Variants in PPIP5K2 observed in about 807,000 individuals in gnomAD.
PPIP5K2 encodes diphosphoinositol pentakisphosphate kinase 2.
A neutral mutation model predicts 154.6 loss-of-function variants in PPIP5K2; 105 were observed. That is an observed-to-expected ratio of 0.68 (90% CI 0.58 to 0.80). PPIP5K2 has a LOEUF of 0.80. PPIP5K2 is among the 30% of genes least tolerant of loss of function. The probability of loss-of-function intolerance (pLI) is 0.00; values close to 1 mark genes in which losing one functional copy is unlikely to be tolerated. For synonymous variants in PPIP5K2, 480 were observed against 490.3 expected, an observed-to-expected ratio of 0.98 and a Z score of 0.28; for missense variants, 992 against 1,504.6, an observed-to-expected ratio of 0.66 and a Z score of 5.64.
intron 2 of PPIP5K2, among the ~76,000 whole-genome samples, chr5:103,131,007 C>G (rs182572986): frequency 1.3e-5 from 2 of 152,194 alleles, no homozygotes; most frequent in East Asian, 3.9e-4. Context: ...ATTGTATGTA[C>G]TCTTTTACCT....
chr5:103,158,696 C>T, intron 16 of PPIP5K2, 123 bp downstream of exon 16: 1 of 751,370 alleles, frequency 1.3e-6, no homozygotes, highest in Non-Finnish European at 2.0e-6. Context: ...CTGAGGTGGT[C>T]AGATCACTAG....
intron 30 of PPIP5K2, among the ~76,000 whole-genome samples, chr5:103,197,570 T>C (rs1469390819): frequency 2.0e-5 from 1 of 49,040 alleles, no homozygotes; most frequent in Non-Finnish European, 3.6e-5. Context: ...AAAACACAAA[T>C]TTTTTTTTTT....
intron 1 of PPIP5K2, among the ~76,000 whole-genome samples, chr5:103,122,342 G>A (rs1554199335): frequency 6.6e-6 from 1 of 152,214 alleles, no homozygotes; most frequent in African/African-American, 2.4e-5. Flanking sequence ...CCTAACAGAA[G>A]TGTGATAGTT....
chr5:103,166,696 A>G (rs969009270), intron 17 of PPIP5K2, among the ~76,000 whole-genome samples: 2 of 152,032 alleles, frequency 1.3e-5, no homozygotes, highest in African/African-American at 4.8e-5. Context: ...TATGTATTAT[A>G]TGCTCTAGTC....
intron 5 of PPIP5K2, among the ~76,000 whole-genome samples, chr5:103,142,645 G>A (rs1040232457): frequency 2.0e-5 from 3 of 152,136 alleles, no homozygotes; most frequent in Non-Finnish European, 4.4e-5. Flanking sequence ...GTGTGGTGGC[G>A]GGCGCCTGTA....
chr5:103,152,151 G>A (rs1274707320), intron 9 of PPIP5K2, among the ~76,000 whole-genome samples: 2 of 151,920 alleles, frequency 1.3e-5, no homozygotes, highest in Admixed American at 6.6e-5. Flanking sequence ...TGATGTAAGG[G>A]AGAGTTTACT....
chr5:103,191,303 A>T (rs1243429520), intron 29 of PPIP5K2, among the ~76,000 whole-genome samples: 1 of 152,046 alleles, frequency 6.6e-6, no homozygotes, highest in African/African-American at 2.4e-5. Context: ...ATTGTATATC[A>T]TTTTATAGCA....
intron 25 of PPIP5K2, 80 bp downstream of exon 25, chr5:103,183,487 C>A: frequency 8.3e-7 from 1 of 1,204,802 alleles, no homozygotes; most frequent in Non-Finnish European, 1.2e-6. Flanking sequence ...GACATCTAAT[C>A]CCTTGTATTT....
At chr5:103,131,486 A>T (rs1278869347) in intron 2 of PPIP5K2, among the ~76,000 whole-genome samples, 2 of 152,100 alleles carry the variant, frequency 1.3e-5, no homozygotes, top group Non-Finnish European at 2.9e-5. Context: ...TGGATGTAAA[A>T]CCCATGGATA....
intron 16 of PPIP5K2, 38 bp from the exon 17 acceptor site, chr5:103,159,107 AT>A: frequency 7.3e-7 from 1 of 1,370,180 alleles, no homozygotes; most frequent in South Asian, 1.5e-5. Flanking sequence ...TTACGTATTA[AT>A]TTTTTAAATT....
chr5:103,132,105 G>A (rs1057267824), intron 2 of PPIP5K2, among the ~76,000 whole-genome samples: 9 of 152,128 alleles, frequency 5.9e-5, no homozygotes, highest in African/African-American at 2.2e-4. Flanking sequence ...AAAAGTGGAT[G>A]TTCAGAGGGA....
Position 103,147,914 on chromosome 5 carries a change from A to G in PPIP5K2, c.643-17A>G, listed in dbSNP as rs782229888. On this transcript the variant is annotated splice_polypyrimidine_tract_variant and intron_variant, in intron 6 of 30. Transcript: ENST00000358359. The stretch of plus-strand genomic sequence containing the variant: ...ATAATTTGCTTTTTTATATCGATGG[A>G]CATCTTTTGTTTTCAGATTGGCAGT... 7.4e-6 allele frequency: 11 copies of G among 1,492,992 alleles called. No individual in the cohort carries two copies. The highest frequency in any genetic ancestry group is 9.1e-6 in the Non-Finnish European group (10 of 1,097,350). 92.5% of individuals were successfully genotyped at this position (1,492,992 alleles called of 1,614,324 possible). A position where few individuals can be genotyped will look rare whatever the true frequency, so the allele number is the denominator to read the frequency against.
At chr5:103,135,289 T>G (rs1203991050) in intron 3 of PPIP5K2, among the ~76,000 whole-genome samples, 1 of 152,200 alleles carries the variant, frequency 6.6e-6, no homozygotes, top group East Asian at 1.9e-4. Context: ...ACCAGAGGCT[T>G]AGAGACGTTA....
In PPIP5K2 at chr5:103,205,342, C is replaced by T. The variant is rs375312475; in HGVS notation, c.*3708C>T. 6 of 152,264 alleles carry T rather than the reference C, an allele frequency of 3.9e-5. No individual in the cohort carries two copies. In the East Asian group the frequency reaches 1.2e-3, roughly 29 times the overall value. 9.4% of individuals were successfully genotyped at this position (152,264 alleles called of 1,614,324 possible). The stretch of plus-strand genomic sequence containing the variant: ...TCTTTATAGTGGCATGATTTATAAT[C>T]CTTTGGGTATATACCCAGTAATGGG... On this transcript the variant is annotated 3_prime_UTR_variant, in exon 31 of 31. Coordinates refer to ENST00000358359, the MANE Select transcript of PPIP5K2 (RefSeq NM_001276277.3).
chr5:103,170,276 A>G (rs1450265289), intron 19 of PPIP5K2, among the ~76,000 whole-genome samples: 1 of 151,628 alleles, frequency 6.6e-6, no homozygotes, highest in Non-Finnish European at 1.5e-5. Flanking sequence ...AAAGATTAGT[A>G]TGTTACGAAG....
At chr5:103,126,291 T>A (rs1258338705) in intron 1 of PPIP5K2, among the ~76,000 whole-genome samples, 1 of 152,194 alleles carries the variant, frequency 6.6e-6, no homozygotes, top group Non-Finnish European at 1.5e-5. Flanking sequence ...TATATCTATA[T>A]ACTTCATACA....
rs567419922 is a variant in PPIP5K2, at chr5:103,204,791, A to G, written c.*3157A>G. On this transcript the variant is annotated 3_prime_UTR_variant, in exon 31 of 31. Transcript: ENST00000358359. ...TTTTCAGAGAACAGAGCACATTAAA[A>G]AATCTATTTAGTATTGTGTACTATA... The G allele has an allele frequency of 2.0e-5, 3 of 152,214 alleles. No homozygotes were observed. In the South Asian group the frequency reaches 6.2e-4, roughly 32 times the overall value. The allele number at this position is 152,214 out of a possible 1,614,324, so 9.4% of individuals were successfully genotyped here. A position where few individuals can be genotyped will look rare whatever the true frequency, so the allele number is the denominator to read the frequency against.
At chr5:103,178,316 AC>A (rs1322294015) in intron 23 of PPIP5K2, among the ~76,000 whole-genome samples, 1 of 151,758 alleles carries the variant, frequency 6.6e-6, no homozygotes, top group Non-Finnish European at 1.5e-5. Context: ...GAATAACTAA[AC>A]CCCAGTATCA....
intron 30 of PPIP5K2, among the ~76,000 whole-genome samples, chr5:103,200,102 G>A (rs1197982669): frequency 6.6e-6 from 1 of 152,206 alleles, no homozygotes; most frequent in African/African-American, 2.4e-5. Context: ...TAAACAAAGA[G>A]TTAGCCTTGG....
Sources: gnomAD v4.1 joint callset for allele counts (sites outside exome capture counted in the v4.1 genomes callset) on GRCh38, gnomAD v4.1.1 for gene constraint, MANE v1.5 for transcripts, NCBI Gene and HGNC (gene_info 2026-07-23, HGNC 2026-07-21) for gene names.